PAM: variants seen among roughly 807,000 people sequenced by gnomAD.
PAM encodes peptidylglycine alpha-amidating monooxygenase, also known as peptidyl-glycine alpha-amidating monooxygenase.
PAM carries 72 observed loss-of-function variants against 122.1 expected under a neutral mutation model. That is an observed-to-expected ratio of 0.59 (90% CI 0.49 to 0.72). PAM has a LOEUF of 0.72. PAM is among the 30% of genes least tolerant of loss of function. The pLI, the probability that PAM is intolerant of heterozygous loss-of-function variation, is 0.00. For missense variants in PAM, 1,106 were observed against 1,183.7 expected (o/e 0.93, Z 0.96); for synonymous variants, 389 against 404.4 (o/e 0.96, Z 0.46).
chr5:102,779,280 A>G (rs959454787), intron 1 of PAM, among the ~76,000 whole-genome samples: 2 of 151,448 alleles, frequency 1.3e-5, no homozygotes, highest in African/African-American at 4.8e-5. Flanking sequence ...ACTTTAATAT[A>G]AAAGAGCAAT....
chr5:102,832,139 C>T (rs1775659904), intron 1 of PAM, among the ~76,000 whole-genome samples: 1 of 152,152 alleles, frequency 6.6e-6, no homozygotes, highest in African/African-American at 2.4e-5. Context: ...TGAAGTGTGT[C>T]ATGGCATTTG....
In PAM at chr5:102,954,075, G is replaced by C. The variant is rs572406259; in HGVS notation, c.905+3255G>C. Among the ~76,000 whole-genome samples the C allele has an allele frequency of 3.3e-5, 5 of 152,132 alleles. No individual in the cohort carries two copies. The East Asian group carries it at 9.6e-4, about 29-fold the overall frequency. ...TAAAAAAAAGATAGGTAAGCAAAGT[G>C]ATGGATTTGTTAGTTTGATTTAATA... is the stretch of plus-strand genomic sequence containing the variant. On this transcript the variant is annotated intron_variant, in intron 12 of 25. Transcript: ENST00000438793.
At chr5:102,820,762 G>A (rs1771606796) in intron 1 of PAM, among the ~76,000 whole-genome samples, 1 of 152,130 alleles carries the variant, frequency 6.6e-6, no homozygotes, top group Non-Finnish European at 1.5e-5. Context: ...TAATTGACAA[G>A]ATGAAAACAT....
chr5:102,888,171 T>C (rs1432016972), intron 3 of PAM, among the ~76,000 whole-genome samples: 1 of 152,052 alleles, frequency 6.6e-6, no homozygotes, highest in African/African-American at 2.4e-5. Flanking sequence ...CGACTCAATA[T>C]GTATTTCAGG....
intron 1 of PAM, among the ~76,000 whole-genome samples, chr5:102,767,311 G>A (rs151199843): frequency 9.9e-5 from 15 of 152,190 alleles, no homozygotes; most frequent in Non-Finnish European, 1.6e-4. Flanking sequence ...GAATATATAA[G>A]TGCACCTTTT....
chr5:102,962,890 C>G (rs1221655902), intron 14 of PAM, among the ~76,000 whole-genome samples: 1 of 150,898 alleles, frequency 6.6e-6, no homozygotes, highest in African/African-American at 2.4e-5. Flanking sequence ...ACAAATATAC[C>G]CAAACTCTTA....
chr5:102,844,018 T>C (rs1452889036), intron 1 of PAM, among the ~76,000 whole-genome samples: 3 of 152,188 alleles, frequency 2.0e-5, no homozygotes, highest in South Asian at 4.1e-4. Context: ...TACATGTTCA[T>C]AGCAGCTTTA....
intron 15 of PAM, among the ~76,000 whole-genome samples, chr5:102,984,639 A>T (rs1771119234): frequency 6.6e-6 from 1 of 152,196 alleles, no homozygotes; most frequent in East Asian, 1.9e-4. Context: ...CCAACACAAT[A>T]ATGGTTGGGG....
intron 24 of PAM, among the ~76,000 whole-genome samples, chr5:103,026,963 C>T (rs1294647517): frequency 6.6e-6 from 1 of 152,146 alleles, no homozygotes; most frequent in Non-Finnish European, 1.5e-5. Flanking sequence ...TTACATGATG[C>T]TGACTTTACA....
At chr5:102,884,780 T>C (rs1230283631) in intron 3 of PAM, among the ~76,000 whole-genome samples, 6 of 151,872 alleles carry the variant, frequency 4.0e-5, no homozygotes, top group African/African-American at 1.4e-4. Flanking sequence ...CTTAATCATG[T>C]ATAAAGGGAC....
At chr5:102,759,664 G>T (rs1021348764) in intron 1 of PAM, among the ~76,000 whole-genome samples, 6 of 152,102 alleles carry the variant, frequency 3.9e-5, no homozygotes, top group Non-Finnish European at 8.8e-5. Flanking sequence ...TCAACCTAGG[G>T]CCACCACTTT....
intron 1 of PAM, among the ~76,000 whole-genome samples, chr5:102,780,601 A>C (rs895216276): frequency 3.3e-5 from 5 of 151,882 alleles, no homozygotes; most frequent in Non-Finnish European, 7.4e-5. Flanking sequence ...GTACCTCCCG[A>C]CTGAACTCCT....
rs1430629907 is a variant in PAM, at chr5:102,896,778, T to A, written c.211-4578T>A. On this transcript the variant is annotated intron_variant, in intron 3 of 25. Coordinates refer to ENST00000438793, the MANE Select transcript of PAM (RefSeq NM_001177306.2). ...AACAAGGATAGACTACATATAATAG[T>A]GATAGTTTAAGGAATTTTATCTGTT... is the stretch of plus-strand genomic sequence containing the variant. Among the ~76,000 whole-genome samples the A allele has an allele frequency of 2.6e-5, 4 of 151,806 alleles. No individual in the cohort carries two copies. The East Asian group carries it at 7.8e-4, about 30-fold the overall frequency.
intron 15 of PAM, among the ~76,000 whole-genome samples, chr5:102,976,269 G>C (rs1369116201): frequency 6.6e-6 from 1 of 152,052 alleles, no homozygotes; most frequent in Non-Finnish European, 1.5e-5. Flanking sequence ...TCATATTTAG[G>C]TAAGCTGTTT....
At chr5:102,772,618 C>G (rs1374354647) in intron 1 of PAM, among the ~76,000 whole-genome samples, 1 of 152,004 alleles carries the variant, frequency 6.6e-6, no homozygotes, top group Non-Finnish European at 1.5e-5. Flanking sequence ...TTATACTTGT[C>G]GTAGTATTAC....
intron 1 of PAM, among the ~76,000 whole-genome samples, chr5:102,842,306 T>C (rs1303286437): frequency 6.6e-6 from 1 of 151,988 alleles, no homozygotes; most frequent in Non-Finnish European, 1.5e-5. Flanking sequence ...CCAAATTTCA[T>C]CTTAAATTCC....
intron 1 of PAM, among the ~76,000 whole-genome samples, chr5:102,760,682 T>G (rs1752057322): frequency 6.6e-6 from 1 of 152,184 alleles, no homozygotes; most frequent in African/African-American, 2.4e-5. Flanking sequence ...ATTTTGTTTG[T>G]GTTGGTGAGT....
At chr5:102,884,161 C>T (rs1792231841) in intron 3 of PAM, among the ~76,000 whole-genome samples, 1 of 151,618 alleles carries the variant, frequency 6.6e-6, no homozygotes, top group Non-Finnish European at 1.5e-5. Flanking sequence ...GGCGAGGTAG[C>T]AATGGAGGAA....
At chr5:103,018,489 G>C (rs922231476) in intron 22 of PAM, among the ~76,000 whole-genome samples, 9 of 152,144 alleles carry the variant, frequency 5.9e-5, no homozygotes, top group African/African-American at 2.2e-4. Context: ...AGTTAGGGTT[G>C]AGTGAGCAGA....
Sources: gnomAD v4.1 joint callset for allele counts (sites outside exome capture counted in the v4.1 genomes callset) on GRCh38, gnomAD v4.1.1 for gene constraint, MANE v1.5 for transcripts, NCBI Gene and HGNC (gene_info 2026-07-23, HGNC 2026-07-21) for gene names.